Variants in PCDHA1 observed in about 807,000 individuals in gnomAD.
PCDHA1 encodes the protein protocadherin alpha 1.
A neutral mutation model predicts 61.3 loss-of-function variants in PCDHA1; 42 were observed. That is an observed-to-expected ratio of 0.69 (90% CI 0.54 to 0.89). The LOEUF is 0.89. Among genes scored for constraint, PCDHA1 ranks in the 40% least tolerant of loss-of-function variants. The probability of loss-of-function intolerance (pLI) is 0.00; values close to 1 mark genes in which losing one functional copy is unlikely to be tolerated. For synonymous variants in PCDHA1, 610 were observed against 553.8 expected (o/e 1.10, Z -1.43); for missense variants, 1,256 against 1,235.3 (o/e 1.02, Z -0.25).
intron 1 of PCDHA1, chr5:140,870,513 C>G: frequency 6.2e-7 from 1 of 1,614,254 alleles, no homozygotes; most frequent in Non-Finnish European, 8.5e-7. Flanking sequence ...ACCCACCAGG[C>G]TGCCACATCT....
intron 1 of PCDHA1, among the ~76,000 whole-genome samples, chr5:140,923,228 C>A (rs2338302): frequency 1.4e-5 from 1 of 71,808 alleles, no homozygotes; most frequent in South Asian, 4.8e-4. Context: ...TCGTTTGAGC[C>A]CAGAAGTTTG....
intron 1 of PCDHA1, chr5:140,850,645 T>C: frequency 1.3e-6 from 2 of 1,598,542 alleles, no homozygotes; most frequent in South Asian, 1.1e-5. Context: ...ACGCTGCTGC[T>C]GTACACTGTG....
At chr5:140,823,797 G>A in intron 1 of PCDHA1, 1 of 1,613,836 alleles carries the variant, frequency 6.2e-7, no homozygotes, top group Non-Finnish European at 8.5e-7. Context: ...GTGGCCAGGC[G>A]CCGAAGGCCT....
At chr5:140,808,775 C>G (rs1764260892) in intron 1 of PCDHA1, 2 of 1,612,378 alleles carry the variant, frequency 1.2e-6, no homozygotes, top group Non-Finnish European at 8.5e-7. Context: ...GGAGCTAGAG[C>G]TGCTGCAGTT....
chr5:140,818,355 G>A (rs1231484371), intron 1 of PCDHA1, among the ~76,000 whole-genome samples: 1 of 152,112 alleles, frequency 6.6e-6, no homozygotes, highest in South Asian at 2.1e-4. Context: ...CAAAGTCATT[G>A]ATTGAATTCT....
chr5:140,801,296 C>T (rs1554121368), intron 1 of PCDHA1: 2 of 1,613,510 alleles, frequency 1.2e-6, no homozygotes, highest in East Asian at 4.5e-5. Context: ...AGCTCCACTA[C>T]TCCGTCTCTG....
At chr5:140,872,840 A>G (rs1297929350) in intron 1 of PCDHA1, among the ~76,000 whole-genome samples, 4 of 152,198 alleles carry the variant, frequency 2.6e-5, no homozygotes, top group African/African-American at 9.6e-5. Context: ...AAAAAATTAA[A>G]TATATTAATG....
chr5:140,903,290 G>A (rs1554190896), intron 1 of PCDHA1, among the ~76,000 whole-genome samples: 3 of 152,016 alleles, frequency 2.0e-5, no homozygotes, highest in African/African-American at 7.3e-5. Flanking sequence ...TTGTGCATTA[G>A]GAAATTTAGT....
chr5:140,899,019 G>A (rs2067099712), intron 1 of PCDHA1, among the ~76,000 whole-genome samples: 1 of 151,834 alleles, frequency 6.6e-6, no homozygotes, highest in African/African-American at 2.4e-5. Flanking sequence ...AAGAATGCTT[G>A]TGATTTTTGT....
At chr5:140,842,434 A>C (rs2150336134) in intron 1 of PCDHA1, 2 of 1,613,586 alleles carry the variant, frequency 1.2e-6, no homozygotes, top group Non-Finnish European at 8.5e-7. Flanking sequence ...TCATCGCCCT[A>C]ATTAGCGTGA....
At chr5:140,938,835 CA>C (rs2092222540) in intron 1 of PCDHA1, among the ~76,000 whole-genome samples, 1 of 152,008 alleles carries the variant, frequency 6.6e-6, no homozygotes, top group African/African-American at 2.4e-5. Flanking sequence ...TGCGTTATAA[CA>C]AACCTGCCCA....
intron 1 of PCDHA1, chr5:140,871,599 TG>T (rs1554165773): frequency 6.9e-7 from 1 of 1,447,790 alleles, no homozygotes; most frequent in Admixed American, 2.7e-5. Flanking sequence ...GAATAACCAG[TG>T]TTTTGAATAT....
At chr5:140,990,981 A>G (rs1554251870) in intron 3 of PCDHA1, among the ~76,000 whole-genome samples, 1 of 152,206 alleles carries the variant, frequency 6.6e-6, no homozygotes, top group Non-Finnish European at 1.5e-5. Context: ...AGAAAGGAAG[A>G]CAATAGCTAC....
intron 1 of PCDHA1, chr5:140,966,561 G>T: frequency 2.0e-6 from 1 of 488,962 alleles, no homozygotes; most frequent in African/African-American, 2.0e-5. Flanking sequence ...GGAGGAGCTG[G>T]AATATGGGGA....
At chr5:140,887,776 G>T (rs2061574225) in intron 1 of PCDHA1, among the ~76,000 whole-genome samples, 1 of 152,036 alleles carries the variant, frequency 6.6e-6, no homozygotes, top group Non-Finnish European at 1.5e-5. Context: ...CAATGACACA[G>T]GTCATTGAAG....
chr5:140,986,154 A>G (rs2097188970), intron 3 of PCDHA1, among the ~76,000 whole-genome samples: 1 of 152,182 alleles, frequency 6.6e-6, no homozygotes, highest in Non-Finnish European at 1.5e-5. Context: ...TCACCAAGTA[A>G]TGTTTTCTGC....
chr5:140,911,583 G>C (rs1245667621), intron 1 of PCDHA1, among the ~76,000 whole-genome samples: 4 of 152,150 alleles, frequency 2.6e-5, no homozygotes, highest in African/African-American at 7.2e-5. Context: ...GTGAACTTAG[G>C]AGGAACCAAC....
intron 1 of PCDHA1, chr5:140,870,222 G>A: frequency 6.2e-7 from 1 of 1,614,180 alleles, no homozygotes; most frequent in African/African-American, 1.3e-5. Flanking sequence ...TGATCAGCGT[G>A]TCTGACCGTG....
At chr5:140,790,522 T>C (rs565641947) in intron 1 of PCDHA1, among the ~76,000 whole-genome samples, 3 of 152,338 alleles carry the variant, frequency 2.0e-5, no homozygotes, top group African/African-American at 7.2e-5. Context: ...ACTTTTAATA[T>C]ATTATCGTAC....
Sources: gnomAD v4.1 joint callset for allele counts (sites outside exome capture counted in the v4.1 genomes callset) on GRCh38, gnomAD v4.1.1 for gene constraint, MANE v1.5 for transcripts, NCBI Gene and HGNC (gene_info 2026-07-23, HGNC 2026-07-21) for gene names.